ZNF536: variants seen among roughly 807,000 people sequenced by gnomAD.
ZNF536 encodes the protein zinc finger protein 536.
A neutral mutation model predicts 84.5 loss-of-function variants in ZNF536; 13 were observed. The ratio of observed to expected loss-of-function variants is 0.15; its 90% confidence interval spans 0.10 to 0.24. ZNF536 has a LOEUF of 0.24. ZNF536 is among the 10% of genes least tolerant of loss of function. The pLI is 1.00. For synonymous variants in ZNF536, 811 were observed against 742.5 expected (o/e 1.09, Z -1.50); for missense variants, 1,536 against 1,747.5 (o/e 0.88, Z 2.16).
chr19:30,398,390 T>TTC (rs2049908605), intron 1 of ZNF536, among the ~76,000 whole-genome samples: 1 of 149,928 alleles, frequency 6.7e-6, no homozygotes, highest in African/African-American at 2.4e-5. Flanking sequence ...TTCTTTTTCT[T>TTC]TTTTTTTTTT....
Position 30,569,559 on chromosome 19 carries a change from C to CTTTTTTTTTTTTTTTTTTTTTT in ZNF536, c.169+20054_169+20075dup, listed in dbSNP as rs34995610. Among the ~76,000 whole-genome samples, 4 of 55,094 alleles carry CTTTTTTTTTTTTTTTTTTTTTT rather than the reference C, an allele frequency of 7.3e-5. 1 individual carries two copies. The highest frequency in any genetic ancestry group is 9.9e-5 in the Non-Finnish European group (3 of 30,302). The allele number at this position is 55,094 out of a possible 152,430, so 36.1% of individuals were successfully genotyped here. A position where few individuals can be genotyped will look rare whatever the true frequency, so the allele number is the denominator to read the frequency against. ...ATGGAATCGAAGCCAGATAAACGTTCTTTTTTTTTTTTTTTTTTTTTTTTT... is the reference window on the plus strand; with the variant it reads ...ATGGAATCGAAGCCAGATAAACGTTCTTTTTTTTTTTTTTTTTTTTTTTTTTTTTTTTTTTTTTTTTTTTTTT... On this transcript the variant is annotated intron_variant, in intron 1 of 1. Coordinates refer to the ZNF536 transcript ENST00000592773.
chr19:30,450,688 T>G (rs888314376), intron 2 of ZNF536, among the ~76,000 whole-genome samples: 1 of 152,228 alleles, frequency 6.6e-6, no homozygotes, highest in African/African-American at 2.4e-5. Context: ...GAACTTGAAA[T>G]TAGTCAATTT....
chr19:30,650,403 C>T (rs1032258884), intron 1 of ZNF536, among the ~76,000 whole-genome samples: 12 of 152,148 alleles, frequency 7.9e-5, no homozygotes, highest in African/African-American at 2.9e-4. Context: ...GCTGAAAGAG[C>T]CCCAAAGATT....
intron 2 of ZNF536, among the ~76,000 whole-genome samples, chr19:30,338,003 GTGA>G (rs965640970): frequency 2.8e-4 from 42 of 151,396 alleles, no homozygotes; most frequent in African/African-American, 1.0e-3. Context: ...GATGGTGATT[GTGA>G]TGATGATGAT....
At chr19:30,622,420 A>G (rs1164234780) in intron 1 of ZNF536, among the ~76,000 whole-genome samples, 1 of 152,224 alleles carries the variant, frequency 6.6e-6, no homozygotes, top group Non-Finnish European at 1.5e-5. Context: ...CCCCAGGGGC[A>G]TGTTTGGCTT....
At chr19:30,331,098 A>G (rs561883181) in intron 2 of ZNF536, among the ~76,000 whole-genome samples, 6 of 151,778 alleles carry the variant, frequency 4.0e-5, no homozygotes, top group Non-Finnish European at 8.8e-5. Flanking sequence ...TCTGGGCAAC[A>G]TAGCAAAACC....
intron 1 of ZNF536, among the ~76,000 whole-genome samples, chr19:30,273,167 G>T (rs2025947555): frequency 6.6e-6 from 1 of 152,158 alleles, no homozygotes; most frequent in Admixed American, 6.6e-5. Flanking sequence ...CTTTTGAAGT[G>T]CTGGGATTAC....
At chr19:30,292,428 G>A (rs57744767) in intron 2 of ZNF536, among the ~76,000 whole-genome samples, 34,629 of 151,346 alleles carry the variant, frequency 0.23, 4,815 homozygotes, top group East Asian at 0.54. Flanking sequence ...TGACTTCCTG[G>A]GCCCAAGCCA....
Position 30,256,723 on chromosome 19 carries a change from A to G in ZNF536, c.-189-27349A>G, listed in dbSNP as rs981214296. ...GCTATTTGGGATTCTGTTGTAATGC[A>G]GTTTGAGGTTCACTCTGTCTGCTTG... On this transcript the variant is annotated intron_variant, in intron 1 of 5. Coordinates refer to the ZNF536 transcript ENST00000585628. Among the ~76,000 whole-genome samples, 5 of 152,138 alleles carry G rather than the reference A, an allele frequency of 3.3e-5. No homozygotes were observed. The East Asian group carries it at 9.6e-4, about 29-fold the overall frequency.
chr19:30,461,477 G>A (rs1568454963), intron 2 of ZNF536, among the ~76,000 whole-genome samples: 1 of 152,152 alleles, frequency 6.6e-6, no homozygotes, highest in East Asian at 1.9e-4. Flanking sequence ...GGATAGCCCA[G>A]CACTTACTCC....
At chr19:30,569,504 G>GAGGA (rs1220985127) in intron 1 of ZNF536, among the ~76,000 whole-genome samples, 3 of 148,312 alleles carry the variant, frequency 2.0e-5, no homozygotes, top group African/African-American at 7.4e-5. Flanking sequence ...TGGGTTAGGT[G>GAGGA]AGGAAGCCAA....
rs1600715398 is a variant in ZNF536 at position 30,435,015 on chromosome 19, CTGGTGA to C, written c.-2-8537_-2-8532del. Among the ~76,000 whole-genome samples the C allele has an allele frequency of 2.1e-5, 3 of 140,866 alleles. No individual in the cohort carries two copies. The East Asian group carries it at 6.6e-4, about 31-fold the overall frequency. 92.4% of individuals were successfully genotyped at this position (140,866 alleles called of 152,430 possible). On this transcript the variant is annotated intron_variant, in intron 1 of 4. Coordinates refer to ENST00000355537, the MANE Select transcript of ZNF536 (RefSeq NM_014717.3). ...GATGGTGATGGTGGTGATGCGGATG[CTGGTGA>C]TGGTGATGATGATGGTGCTGGTGGT...
At chr19:30,337,539 C>G (rs1369934806) in intron 2 of ZNF536, among the ~76,000 whole-genome samples, 1 of 152,190 alleles carries the variant, frequency 6.6e-6, no homozygotes, top group African/African-American at 2.4e-5. Context: ...CACCACAAAC[C>G]AGTGCCAGTC....
chr19:30,312,658 C>T (rs1386797478), intron 2 of ZNF536, among the ~76,000 whole-genome samples: 1 of 152,210 alleles, frequency 6.6e-6, no homozygotes, highest in Non-Finnish European at 1.5e-5. Context: ...GTGTCCAGAA[C>T]CCATCTGAAG....
chr19:30,520,074 G>A (rs904387746), intron 2 of ZNF536, among the ~76,000 whole-genome samples: 5 of 152,172 alleles, frequency 3.3e-5, no homozygotes, highest in African/African-American at 1.2e-4. Flanking sequence ...GGTGTTTGGG[G>A]TTTGCATTTC....
chr19:30,293,796 C>T (rs11881625), intron 2 of ZNF536, among the ~76,000 whole-genome samples: 28 of 152,270 alleles, frequency 1.8e-4, no homozygotes, highest in African/African-American at 6.5e-4. Flanking sequence ...AAATGTGCAG[C>T]GCTGCCTGAG....
At chr19:30,226,195 CG>C (rs1197904577), upstream of ZNF536, among the ~76,000 whole-genome samples, 1 of 134,668 alleles carries the variant, frequency 7.4e-6, no homozygotes, top group Non-Finnish European at 1.6e-5. This position sits in a 1 kb window ranked among gnomAD's most constrained non-coding sequence, Gnocchi z 4.6. Flanking sequence ...TCTCAGGCCC[CG>C]GGAAACTTTC....
At chr19:30,495,824 G>T (rs116651236) in intron 2 of ZNF536, among the ~76,000 whole-genome samples, 18 of 152,314 alleles carry the variant, frequency 1.2e-4, no homozygotes, top group African/African-American at 3.8e-4. Context: ...AAGACACAAC[G>T]CAGGGAAAGT....
chr19:30,646,493 G>T (rs940795059), intron 1 of ZNF536, among the ~76,000 whole-genome samples: 1 of 152,248 alleles, frequency 6.6e-6, no homozygotes, highest in Non-Finnish European at 1.5e-5. Flanking sequence ...ATGTGTGCAT[G>T]TGCGGGTGTG....
Sources: allele counts gnomAD v4.1 joint callset (sites outside exome capture counted in the v4.1 genomes callset), GRCh38; gene constraint gnomAD v4.1.1; non-coding constraint Gnocchi (gnomAD v3.1); transcripts MANE v1.5; gene names NCBI Gene and HGNC (gene_info 2026-07-23, HGNC 2026-07-21).